HS6ST3: variants seen among roughly 807,000 people sequenced by gnomAD.
The protein encoded by HS6ST3 is heparan-sulfate 6-O-sulfotransferase 3.
In HS6ST3, 12 loss-of-function variants were observed where a neutral mutation model predicts 36.7. The ratio of observed to expected loss-of-function variants is 0.33; its 90% CI spans 0.21 to 0.53. The LOEUF is 0.53. Among genes scored for constraint, HS6ST3 ranks in the 20% least tolerant of loss-of-function variants. The pLI, the probability that HS6ST3 is intolerant of heterozygous loss-of-function variation, is 0.95. For synonymous variants in HS6ST3, 240 were observed against 257.5 expected (o/e 0.93, Z 0.65); for missense variants, 584 against 640.9 (o/e 0.91, Z 0.96).
At chr13:96,305,990 G>A (rs1281771708) in intron 1 of HS6ST3, among the ~76,000 whole-genome samples, 1 of 151,040 alleles carries the variant, frequency 6.6e-6, no homozygotes, top group Non-Finnish European at 1.5e-5. Context: ...GGAGTGCAGT[G>A]GCATGATCTT....
intron 1 of HS6ST3, among the ~76,000 whole-genome samples, chr13:96,572,628 C>T (rs548106098): frequency 1.3e-4 from 19 of 148,714 alleles, no homozygotes; most frequent in East Asian, 5.9e-4. Context: ...TGCCAATTCA[C>T]TTGTCCTTAC....
chr13:96,819,008 AAAAC>A (rs79719975), intron 1 of HS6ST3, among the ~76,000 whole-genome samples: 4,982 of 152,344 alleles, frequency 0.033, 93 homozygotes, highest in African/African-American at 0.043. Context: ...ATGGGATACT[AAAAC>A]AAACAAACAG....
intron 1 of HS6ST3, among the ~76,000 whole-genome samples, chr13:96,609,689 G>A (rs1467388218): frequency 1.3e-5 from 2 of 152,154 alleles, no homozygotes; most frequent in East Asian, 3.9e-4. Flanking sequence ...GTATCTGCAA[G>A]ATCATAGGAA....
At chr13:96,241,318 A>C (rs1049620692) in intron 1 of HS6ST3, among the ~76,000 whole-genome samples, 4 of 152,174 alleles carry the variant, frequency 2.6e-5, no homozygotes, top group Non-Finnish European at 5.9e-5. Context: ...CTGTTTGTGT[A>C]AAAAATGTTC....
intron 1 of HS6ST3, among the ~76,000 whole-genome samples, chr13:96,606,625 G>T (rs1395781989): frequency 7.4e-6 from 1 of 135,554 alleles, no homozygotes; most frequent in Non-Finnish European, 1.6e-5. Context: ...GAGGGAGGGA[G>T]GGAGGGAGGG....
chr13:96,747,094 C>A (rs1594850843), intron 1 of HS6ST3, among the ~76,000 whole-genome samples: 1 of 152,088 alleles, frequency 6.6e-6, no homozygotes, highest in Admixed American at 6.6e-5. Flanking sequence ...ATATTCCATC[C>A]AGAAGGGCTA....
At chr13:96,157,862 A>T (rs533899877) in intron 1 of HS6ST3, among the ~76,000 whole-genome samples, 1 of 152,212 alleles carries the variant, frequency 6.6e-6, no homozygotes, top group Non-Finnish European at 1.5e-5. Context: ...AACGAAGCAG[A>T]TATCTTTGGA....
At chr13:96,104,198 A>G (rs931335004) in intron 1 of HS6ST3, among the ~76,000 whole-genome samples, 2 of 152,194 alleles carry the variant, frequency 1.3e-5, no homozygotes, top group African/African-American at 4.8e-5. Flanking sequence ...TTACAAAGAA[A>G]GCACGAAGTT....
rs548966842 is a variant in HS6ST3, at chr13:96,819,767, T to A, written c.708-12723T>A. ...CTTGTTGACCTTAAGAAAATCCTTG[T>A]ATATGGCCAGGCACAGTGGTTCACA... On this transcript the variant is annotated intron_variant, in intron 1 of 1. Transcript: ENST00000376705. 4.9e-4 allele frequency among the ~76,000 whole-genome samples: 75 copies of A among 152,206 alleles called. 1 individual carries two copies. The South Asian group carries it at 0.015, about 30-fold the overall frequency.
chr13:96,556,004 A>G (rs113533268), intron 1 of HS6ST3, among the ~76,000 whole-genome samples: 1,612 of 152,342 alleles, frequency 0.011, 28 homozygotes, highest in African/African-American at 0.032. Context: ...ACCTTAAGTT[A>G]GCATCATAGA....
At chr13:96,600,993 C>T (rs1278747747) in intron 1 of HS6ST3, among the ~76,000 whole-genome samples, 3 of 152,086 alleles carry the variant, frequency 2.0e-5, no homozygotes, top group Admixed American at 2.0e-4. Context: ...AAGATAGGAT[C>T]CCAACCCCTT....
intron 1 of HS6ST3, among the ~76,000 whole-genome samples, chr13:96,827,324 A>G (rs1878670138): frequency 6.6e-6 from 1 of 152,176 alleles, no homozygotes; most frequent in Non-Finnish European, 1.5e-5. Context: ...TTGTTTCACT[A>G]TGTGGGAAGA....
intron 1 of HS6ST3, among the ~76,000 whole-genome samples, chr13:96,335,686 G>T (rs1462692372): frequency 6.6e-6 from 1 of 152,224 alleles, no homozygotes; most frequent in Non-Finnish European, 1.5e-5. Context: ...CCCACAGAGT[G>T]TAGTTTTATA....
Position 96,833,214 on chromosome 13 carries a change from T to A in HS6ST3, c.*16T>A. 6.7e-7 allele frequency: 1 copy of A among 1,503,256 alleles called. No individual in the cohort carries two copies. Among genetic ancestry groups the A allele is most frequent in the South Asian group, 1.3e-5 (1 of 76,052 alleles). 93.1% of individuals were successfully genotyped at this position (1,503,256 alleles called of 1,614,324 possible). A position where few individuals can be genotyped will look rare whatever the true frequency, so the allele number is the denominator to read the frequency against. ...GAGATGGTGACCTCCTGCCCTCTCC[T>A]CTCTCAGGAGGGGGAGGGTGAGCAG... On this transcript the variant is annotated 3_prime_UTR_variant, in exon 2 of 2. Coordinates refer to ENST00000376705, the MANE Select transcript of HS6ST3 (RefSeq NM_153456.4).
At position 96,477,355 on chromosome 13, in the gene HS6ST3, A is replaced by C. The variant is rs538894398; in HGVS notation, c.708-355135A>C. On this transcript the variant is annotated intron_variant, in intron 1 of 1. Transcript: ENST00000376705. ...ATGAAAACAGCAAGTAACACAAAAAACTAAAAATTACTATATTCTTCAATA... is the reference window on the plus strand; with the variant it reads ...ATGAAAACAGCAAGTAACACAAAAACCTAAAAATTACTATATTCTTCAATA... Among the ~76,000 whole-genome samples, 47 of 152,218 alleles carry C rather than the reference A, an allele frequency of 3.1e-4. No individual in the cohort carries two copies. In the South Asian group the frequency reaches 8.7e-3, roughly 28 times the overall value.
At chr13:96,264,174 T>A (rs1566305614) in intron 1 of HS6ST3, among the ~76,000 whole-genome samples, 1 of 152,244 alleles carries the variant, frequency 6.6e-6, no homozygotes, top group Non-Finnish European at 1.5e-5. Flanking sequence ...TAATGCAGTT[T>A]CTTATAGCAA....
intron 1 of HS6ST3, among the ~76,000 whole-genome samples, chr13:96,446,212 G>T (rs752736279): frequency 1.3e-5 from 2 of 151,416 alleles, no homozygotes; most frequent in South Asian, 2.1e-4. Context: ...AAAATATTTC[G>T]TTTATGGAAT....
intron 1 of HS6ST3, among the ~76,000 whole-genome samples, chr13:96,617,457 C>T (rs2056478631): frequency 6.6e-6 from 1 of 152,148 alleles, no homozygotes; most frequent in Admixed American, 6.5e-5. Flanking sequence ...GGTTGAATTG[C>T]ATTTTAAGAG....
intron 1 of HS6ST3, among the ~76,000 whole-genome samples, chr13:96,366,350 A>G (rs2055262756): frequency 6.6e-6 from 1 of 152,002 alleles, no homozygotes; most frequent in Non-Finnish European, 1.5e-5. Context: ...GCATGCACCC[A>G]TGCTCCCAGC....
Sources: gnomAD v4.1 joint callset for allele counts (sites outside exome capture counted in the v4.1 genomes callset) on GRCh38, gnomAD v4.1.1 for gene constraint, MANE v1.5 for transcripts, NCBI Gene and HGNC (gene_info 2026-07-23, HGNC 2026-07-21) for gene names.